Variants in SCIN observed in about 807,000 individuals in gnomAD.
SCIN encodes scinderin.
In SCIN, 91 loss-of-function variants were observed where a neutral mutation model predicts 91.8. That is an observed-to-expected ratio of 0.99 (90% CI 0.84 to 1.18). The LOEUF is 1.18. SCIN is among the 50% of genes most tolerant of loss of function. SCIN has a pLI of 0.00. For synonymous variants in SCIN, 367 were observed against 312.6 expected, an observed-to-expected ratio of 1.17 and a Z score of -1.84; for missense variants, 1,087 against 863.9, an observed-to-expected ratio of 1.26 and a Z score of -3.24.
rs529856149 is a variant in SCIN at position 12,601,613 on chromosome 7, C to A, written c.517-2901C>A. Among the ~76,000 whole-genome samples, 13 of 152,086 alleles carry A rather than the reference C, an allele frequency of 8.5e-5. No homozygotes were observed. In the South Asian group the frequency reaches 2.7e-3, roughly 32 times the overall value. On this transcript the variant is annotated intron_variant, in intron 3 of 15. Coordinates refer to ENST00000297029, the MANE Select transcript of SCIN (RefSeq NM_001112706.3). ...TTTTTTCTTAATTATCTCTGTATCC[C>A]CAGCATAATAAGCAGTGAGTAATGT...
At chr7:12,573,744 A>G (rs1782314319) in intron 1 of SCIN, among the ~76,000 whole-genome samples, 1 of 152,156 alleles carries the variant, frequency 6.6e-6, no homozygotes, top group South Asian at 2.1e-4. Flanking sequence ...ACAAACACTT[A>G]TCCTCACTCT....
intron 8 of SCIN, 38 bp from the exon 9 acceptor site, chr7:12,629,063 A>T (rs764519388): frequency 1.3e-6 from 2 of 1,531,952 alleles, no homozygotes; most frequent in Non-Finnish European, 8.8e-7. Context: ...TTAGATCAAG[A>T]AAATTGTAAT....
intron 14 of SCIN, among the ~76,000 whole-genome samples, chr7:12,650,744 A>AT (rs1390061973): frequency 6.6e-6 from 1 of 152,182 alleles, no homozygotes; most frequent in Non-Finnish European, 1.5e-5. Context: ...AATTATATCA[A>AT]TTTTTTAAAA....
At chr7:12,573,292 G>A (rs968973751) in intron 1 of SCIN, among the ~76,000 whole-genome samples, 1 of 152,112 alleles carries the variant, frequency 6.6e-6, no homozygotes, top group Admixed American at 6.6e-5. Flanking sequence ...AAGGAAATCA[G>A]CCGGAAGAAA....
chr7:12,578,821 C>G (rs998287817), intron 2 of SCIN, among the ~76,000 whole-genome samples: 1 of 150,872 alleles, frequency 6.6e-6, no homozygotes, highest in Non-Finnish European at 1.5e-5. Context: ...GTCTGAAACA[C>G]TGATCAATTG....
In SCIN at chr7:12,655,821, C is replaced by G. The variant is rs1784154805; in HGVS notation, c.*3106C>G. ...AGGTGTTCCCTAGCAAGTTAATATG[C>G]TTGTGTCTCTTCAAACCAATATATT... On this transcript the variant is annotated 3_prime_UTR_variant, in exon 16 of 16. Coordinates refer to ENST00000297029, the MANE Select transcript of SCIN (RefSeq NM_001112706.3). The G allele has an allele frequency of 6.6e-6, 1 of 152,120 alleles. No individual in the cohort carries two copies. The highest frequency in any genetic ancestry group is 1.5e-5 in the Non-Finnish European group (1 of 68,018). 9.4% of individuals were successfully genotyped at this position (152,120 alleles called of 1,614,324 possible). A position where few individuals can be genotyped will look rare whatever the true frequency, so the allele number is the denominator to read the frequency against.
intron 1 of SCIN, chr7:12,571,517 A>G (rs778822163): frequency 9.7e-6 from 4 of 414,120 alleles, no homozygotes; most frequent in Non-Finnish European, 2.0e-5. Context: ...GATTGCGGGA[A>G]TTATTGTTCT....
intron 10 of SCIN, among the ~76,000 whole-genome samples, chr7:12,636,372 G>A (rs1392227156): frequency 6.6e-6 from 1 of 152,096 alleles, no homozygotes; most frequent in South Asian, 2.1e-4. Flanking sequence ...GATTCCAAAA[G>A]AATCTTCCCA....
chr7:12,650,571 C>A (rs1210491106), intron 14 of SCIN, among the ~76,000 whole-genome samples: 2 of 152,048 alleles, frequency 1.3e-5, no homozygotes, highest in African/African-American at 2.4e-5. Flanking sequence ...TCAGCACTTT[C>A]AGTATGAAAT....
chr7:12,650,965 A>G (rs1484882005), intron 14 of SCIN, among the ~76,000 whole-genome samples: 1 of 152,152 alleles, frequency 6.6e-6, no homozygotes, highest in Non-Finnish European at 1.5e-5. Context: ...TGACTGTGTA[A>G]GGGCCAAGGG....
intron 3 of SCIN, among the ~76,000 whole-genome samples, chr7:12,594,984 T>G (rs1782809101): frequency 6.6e-6 from 1 of 152,018 alleles, no homozygotes; most frequent in South Asian, 2.1e-4. Flanking sequence ...GGGAGATCCT[T>G]AGGGTCTTTA....
intron 4 of SCIN, among the ~76,000 whole-genome samples, chr7:12,617,669 C>G (rs1783326719): frequency 6.6e-6 from 1 of 152,094 alleles, no homozygotes; most frequent in Non-Finnish European, 1.5e-5. Context: ...GCAGACCTAT[C>G]CCAATGGTTG....
chr7:12,600,397 G>A (rs944683251), intron 3 of SCIN, among the ~76,000 whole-genome samples: 2 of 152,170 alleles, frequency 1.3e-5, no homozygotes, highest in African/African-American at 4.8e-5. Flanking sequence ...ATTGGGTACA[G>A]TGTAAACTGC....
intron 9 of SCIN, among the ~76,000 whole-genome samples, chr7:12,635,611 C>CAAAAAAAAAAAAAAAAAA (rs59324421): frequency 1.7e-4 from 1 of 5,848 alleles, no homozygotes; most frequent in Non-Finnish European, 4.5e-4. Context: ...GACTCCGTCT[C>CAAAAAAAAAAAAAAAAAA]AAAAAAAAAA....
At position 12,651,798 on chromosome 7, in the gene SCIN, A is replaced by G. The variant is rs781556071; in HGVS notation, c.1960-43A>G. ...TTACATAGGGCCTAGCACTGAGTCA[A>G]CATCCCAGAAATCATACATATTGTT... is the stretch of plus-strand genomic sequence containing the variant. On this transcript the variant is annotated intron_variant, in intron 14 of 15. Transcript: ENST00000297029. The surrounding 1 kb of genome is among the most constrained non-coding windows in gnomAD (Gnocchi z 5.9). The G allele has an allele frequency of 3.1e-6, 4 of 1,307,762 alleles. No homozygotes were observed. Among genetic ancestry groups the G allele is most frequent in the Non-Finnish European group, 4.3e-6 (4 of 922,058 alleles). 81.0% of individuals were successfully genotyped at this position (1,307,762 alleles called of 1,614,324 possible). A position where few individuals can be genotyped will look rare whatever the true frequency, so the allele number is the denominator to read the frequency against.
intron 4 of SCIN, among the ~76,000 whole-genome samples, chr7:12,608,321 G>GCA (rs35120183): frequency 0.066 from 9,865 of 148,704 alleles, 362 homozygotes; most frequent in African/African-American, 0.11. Context: ...ATGCACACAT[G>GCA]CACACACACA....
chr7:12,605,292 G>A (rs193288529), intron 4 of SCIN, among the ~76,000 whole-genome samples: 2,402 of 152,128 alleles, frequency 0.016, 23 homozygotes, highest in Middle Eastern at 0.027. Context: ...CTTGTGATCC[G>A]CCCGCCTTGG....
At chr7:12,572,639 C>A (rs1782292751) in intron 1 of SCIN, among the ~76,000 whole-genome samples, 1 of 152,176 alleles carries the variant, frequency 6.6e-6, no homozygotes, top group Non-Finnish European at 1.5e-5. Flanking sequence ...GTCCTCTTAA[C>A]TACTATATTT....
intron 9 of SCIN, among the ~76,000 whole-genome samples, chr7:12,631,418 C>T (rs1783640932): frequency 1.3e-5 from 2 of 152,180 alleles, no homozygotes; most frequent in African/African-American, 2.4e-5. Flanking sequence ...CACCATACCC[C>T]TAGGCTATTG....
Sources: allele counts gnomAD v4.1 joint callset (sites outside exome capture counted in the v4.1 genomes callset), GRCh38; gene constraint gnomAD v4.1.1; non-coding constraint Gnocchi (gnomAD v3.1); transcripts MANE v1.5; gene names NCBI Gene and HGNC (gene_info 2026-07-23, HGNC 2026-07-21).